Variants in TANGO6 observed in about 807,000 individuals in gnomAD.
The protein encoded by TANGO6 is transport and golgi organization 6 homolog, also known as transport and Golgi organization protein 6 homolog.
TANGO6 carries 90 observed loss-of-function variants against 114.2 expected under a neutral mutation model. That is an observed-to-expected ratio of 0.79 (90% CI 0.66 to 0.94). The LOEUF (loss-of-function observed/expected upper bound fraction) is 0.94, where lower values mean the gene tolerates loss of function less well. Ranked by LOEUF, TANGO6 falls within the 40% of genes least tolerant of loss-of-function variation. The pLI is 0.00. For missense variants in TANGO6, 1,274 were observed against 1,315.3 expected, an observed-to-expected ratio of 0.97 and a Z score of 0.49; for synonymous variants, 477 against 509.8, an observed-to-expected ratio of 0.94 and a Z score of 0.87.
chr16:68,973,999 G>T lies in TANGO6; in HGVS notation c.2702-29G>T, dbSNP rs1195398037. ...TTGCCTTTTGATCGTAAACAGTAAT[G>T]AATCCTTTCTTTTTGTTTTCAACCC... On this transcript the variant is annotated intron_variant, in intron 14 of 17. Transcript: ENST00000261778. 3.2e-6 allele frequency: 5 copies of T among 1,575,802 alleles called. No individual in the cohort carries two copies. The South Asian group carries it at 3.5e-5, about 11-fold the overall frequency.
intron 14 of TANGO6, among the ~76,000 whole-genome samples, chr16:68,968,655 G>C (rs1388493168): frequency 1.3e-5 from 2 of 148,742 alleles, no homozygotes; most frequent in African/African-American, 5.0e-5. Context: ...GTGAGCCACT[G>C]CACCCAGCCT....
intron 17 of TANGO6, among the ~76,000 whole-genome samples, chr16:69,048,258 ATTTTT>A (rs71383949): frequency 9.0e-6 from 1 of 111,640 alleles, no homozygotes; most frequent in African/African-American, 3.9e-5. Context: ...AATTTTTTGT[ATTTTT>A]TTTTTTTTTT....
intron 12 of TANGO6, among the ~76,000 whole-genome samples, chr16:68,924,160 C>T (rs1331567057): frequency 6.6e-6 from 1 of 151,952 alleles, no homozygotes; most frequent in African/African-American, 2.4e-5. Flanking sequence ...AAATGACTTT[C>T]CAGTTAACTA....
chr16:68,951,251 A>T (rs184210121), intron 14 of TANGO6, among the ~76,000 whole-genome samples: 1 of 144,464 alleles, frequency 6.9e-6, no homozygotes, highest in Admixed American at 7.1e-5. Flanking sequence ...TGAGCCCAAG[A>T]GGTCAAGACT....
chr16:69,025,135 G>A (rs1431089279), intron 16 of TANGO6, among the ~76,000 whole-genome samples: 1 of 152,244 alleles, frequency 6.6e-6, no homozygotes, highest in Non-Finnish European at 1.5e-5. Flanking sequence ...GGCTGGGAAT[G>A]CCCGACCCTG....
In TANGO6 at chr16:68,851,626, A is replaced by AGTC. The variant is rs1961904194; in HGVS notation, c.94+7916_94+7918dup. Reference sequence around the variant, plus strand: ...TAATTTAAGAAGTACTGCAATGAATAGTCTTGTAAATACGTAATTTTGCAT... The same window carrying AGTC: ...TAATTTAAGAAGTACTGCAATGAATAGTCGTCTTGTAAATACGTAATTTTGCAT... On this transcript the variant is annotated intron_variant, in intron 1 of 17. Transcript: ENST00000261778. 5.3e-5 allele frequency among the ~76,000 whole-genome samples: 8 copies of AGTC among 152,332 alleles called. No individual in the cohort carries two copies. The South Asian group carries it at 1.7e-3, about 32-fold the overall frequency.
intron 14 of TANGO6, among the ~76,000 whole-genome samples, chr16:68,930,635 C>CTTTT (rs35493432): frequency 1.5e-5 from 2 of 134,156 alleles, no homozygotes; most frequent in Admixed American, 7.5e-5. Context: ...CGGCTACTGT[C>CTTTT]TTTTTTTTTT....
At chr16:68,984,705 A>T (rs1033110913) in intron 15 of TANGO6, among the ~76,000 whole-genome samples, 1 of 152,084 alleles carries the variant, frequency 6.6e-6, no homozygotes, top group South Asian at 2.1e-4. Context: ...TATTTTTTGT[A>T]GATGTGGGGT....
Position 69,063,805 on chromosome 16 carries a change from CTTCTTATTA to C in TANGO6, c.3109-19677_3109-19669del, listed in dbSNP as rs1260831477. Among the ~76,000 whole-genome samples, 272 of 118,516 alleles carry C rather than the reference CTTCTTATTA, an allele frequency of 2.3e-3. 1 individual carries two copies. Among genetic ancestry groups the C allele is most frequent in the African/African-American group, 7.3e-3 (188 of 25,584 alleles). The allele number at this position is 118,516 out of a possible 152,430, so 77.8% of individuals were successfully genotyped here. A position where few individuals can be genotyped will look rare whatever the true frequency, so the allele number is the denominator to read the frequency against. The stretch of plus-strand genomic sequence containing the variant: ...TTTTCTTCTTCTTCTTCTTCTTCTT[CTTCTTATTA>C]TTATTATTATTATTATTATTATTAT... On this transcript the variant is annotated intron_variant, in intron 17 of 17. Transcript: ENST00000261778.
At chr16:69,023,105 GCA>G in intron 16 of TANGO6, 126 bp downstream of exon 16, 1 of 1,023,196 alleles carries the variant, frequency 9.8e-7, no homozygotes, top group Non-Finnish European at 1.4e-6. Context: ...GTGAGACAGG[GCA>G]AGTGAGCCAT....
intron 7 of TANGO6, among the ~76,000 whole-genome samples, chr16:68,889,219 A>G (rs1016510078): frequency 6.6e-6 from 1 of 152,226 alleles, no homozygotes; most frequent in Non-Finnish European, 1.5e-5. Context: ...ACAGCCTGGT[A>G]TATTTGTTAC....
chr16:68,915,294 T>C (rs1365184558), intron 11 of TANGO6, among the ~76,000 whole-genome samples: 1 of 152,152 alleles, frequency 6.6e-6, no homozygotes, highest in African/African-American at 2.4e-5. Flanking sequence ...AGACAGGGTC[T>C]CACTCTTTGT....
chr16:68,920,527 A>T (rs961199719), intron 12 of TANGO6, among the ~76,000 whole-genome samples: 1 of 152,144 alleles, frequency 6.6e-6, no homozygotes, highest in Non-Finnish European at 1.5e-5. Flanking sequence ...TTAGGTGAGG[A>T]GTCTGCAGGA....
intron 2 of TANGO6, among the ~76,000 whole-genome samples, chr16:68,862,480 A>C (rs1214939263): frequency 6.6e-6 from 1 of 152,056 alleles, no homozygotes; most frequent in Non-Finnish European, 1.5e-5. Flanking sequence ...TACAGGCGTG[A>C]GCCACCACGC....
At position 69,023,706 on chromosome 16, in the gene TANGO6, G is replaced by A. The variant is rs548528231; in HGVS notation, c.2994+727G>A. On this transcript the variant is annotated intron_variant, in intron 16 of 17. Coordinates refer to ENST00000261778, the MANE Select transcript of TANGO6 (RefSeq NM_024562.2). ...ACTCTAATTGACCCTCTTTGGCCGA[G>A]GCACCCTGTATTCAGGGGGATGGTG... Among the ~76,000 whole-genome samples, 104 of 152,028 alleles carry A rather than the reference G, an allele frequency of 6.8e-4. No homozygotes were observed. In the Middle Eastern group the frequency reaches 0.01, roughly 15 times the overall value.
intron 15 of TANGO6, among the ~76,000 whole-genome samples, chr16:68,986,038 C>T (rs1453730009): frequency 6.6e-6 from 1 of 152,138 alleles, no homozygotes; most frequent in Non-Finnish European, 1.5e-5. Context: ...TCAGTGTGAA[C>T]CCTTTGCTTC....
intron 15 of TANGO6, among the ~76,000 whole-genome samples, chr16:68,994,062 C>T (rs113271713): frequency 9.2e-5 from 14 of 152,218 alleles, no homozygotes; most frequent in African/African-American, 3.4e-4. Flanking sequence ...ACTGATTAAG[C>T]CAATCTTGGA....
chr16:69,076,994 C>G (rs1239330019), intron 17 of TANGO6, among the ~76,000 whole-genome samples: 1 of 151,914 alleles, frequency 6.6e-6, no homozygotes, highest in East Asian at 1.9e-4. Flanking sequence ...ACGACTCTGT[C>G]TCAAAACAAA....
chr16:68,877,329 G>A (rs1567529964), intron 5 of TANGO6, among the ~76,000 whole-genome samples: 1 of 151,770 alleles, frequency 6.6e-6, no homozygotes, highest in African/African-American at 2.4e-5. Flanking sequence ...TTAGCTGGGG[G>A]TAGTGGCATG....
Sources: gnomAD v4.1 joint callset for allele counts (sites outside exome capture counted in the v4.1 genomes callset) on GRCh38, gnomAD v4.1.1 for gene constraint, MANE v1.5 for transcripts, NCBI Gene and HGNC (gene_info 2026-07-23, HGNC 2026-07-21) for gene names.